Variants in BLTP1 observed in about 807,000 individuals in gnomAD.
BLTP1 encodes fragile site-associated protein.
the BLTP1 span, chr4:122,192,409 T>G: frequency 7.0e-7 from 1 of 1,432,854 alleles, no homozygotes; most frequent in Non-Finnish European, 9.8e-7. Context: ...TTCTAATAAG[T>G]TTTTTAGATG....
chr4:122,208,196 C>A, the BLTP1 span: 2 of 773,302 alleles, frequency 2.6e-6, no homozygotes, highest in Non-Finnish European at 3.1e-6. Flanking sequence ...AGACACTATT[C>A]CATGTGCTTT....
chr4:122,205,655 C>G, the BLTP1 span, among the ~76,000 whole-genome samples: 1 of 149,300 alleles, frequency 6.7e-6, no homozygotes, highest in Admixed American at 6.7e-5. Context: ...CTCTCTCTCT[C>G]TCTCTCTAGT....
chr4:122,267,051 A>ATTATTTTTTTTTTTTTTTT, the BLTP1 span: 1 of 138,564 alleles, frequency 7.2e-6, no homozygotes, highest in African/African-American at 7.0e-5. Context: ...TAAGGAAGTA[A>ATTATTTTTTTTTTTTTTTT]TTTTTTTTTT....
the BLTP1 span, among the ~76,000 whole-genome samples, chr4:122,157,490 G>C: frequency 6.6e-6 from 1 of 152,158 alleles, no homozygotes; most frequent in Admixed American, 6.5e-5. Flanking sequence ...CTCTTAAGGA[G>C]TGCACAACCT....
At chr4:122,273,619 C>T in the BLTP1 span, among the ~76,000 whole-genome samples, 1 of 151,804 alleles carries the variant, frequency 6.6e-6, no homozygotes, top group African/African-American at 2.4e-5. Flanking sequence ...GTTTAACCTG[C>T]CTGAAGGTTA....
chr4:122,325,768 A>G, the BLTP1 span: 26 of 809,450 alleles, frequency 3.2e-5, no homozygotes, highest in Non-Finnish European at 3.9e-5. Flanking sequence ...TAAAATGTTT[A>G]TTTTGTTTTT....
the BLTP1 span, chr4:122,239,408 T>G: frequency 2.2e-6 from 2 of 927,644 alleles, no homozygotes; most frequent in Non-Finnish European, 3.1e-6. Context: ...TTCTTTTACT[T>G]GTAAAGTACA....
At chr4:122,304,104 C>A in the BLTP1 span, among the ~76,000 whole-genome samples, 1 of 152,172 alleles carries the variant, frequency 6.6e-6, no homozygotes, top group Non-Finnish European at 1.5e-5. Flanking sequence ...ACTTCAACAA[C>A]CACTACCATG....
At chr4:122,306,514 C>T in the BLTP1 span, 2 of 970,818 alleles carry the variant, frequency 2.1e-6, no homozygotes, top group Non-Finnish European at 2.4e-6. Flanking sequence ...GAGGAATTCT[C>T]TACCTTTGCC....
the BLTP1 span, chr4:122,257,134 G>A: frequency 9.4e-7 from 1 of 1,061,746 alleles, no homozygotes; most frequent in Non-Finnish European, 1.4e-6. Flanking sequence ...TAACATCTAA[G>A]TTTTAATTTC....
At chr4:122,281,528 C>G in the BLTP1 span, 7 of 1,539,752 alleles carry the variant, frequency 4.5e-6, no homozygotes, top group Non-Finnish European at 6.1e-6. Flanking sequence ...TTTTTTTTTG[C>G]TTTCTAGCCC....
At chr4:122,209,392 C>G in the BLTP1 span, 4 of 1,572,728 alleles carry the variant, frequency 2.5e-6, no homozygotes, top group African/African-American at 5.5e-5. Flanking sequence ...CGCCTGTAAT[C>G]CCAGCACTTT....
At chr4:122,309,214 G>A in the BLTP1 span, 1 of 1,575,432 alleles carries the variant, frequency 6.3e-7, no homozygotes, top group Non-Finnish European at 8.6e-7. Context: ...GGATTTCTAA[G>A]TTTAAAAAAT....
At chr4:122,260,462 A>G in the BLTP1 span, among the ~76,000 whole-genome samples, 1 of 152,218 alleles carries the variant, frequency 6.6e-6, no homozygotes, top group African/African-American at 2.4e-5. Context: ...TAGTTCACAG[A>G]AAAATACATA....
chr4:122,347,580 A>G, the BLTP1 span: 1 of 1,613,812 alleles, frequency 6.2e-7, no homozygotes, highest in South Asian at 1.1e-5. Context: ...TTTCCCCTGA[A>G]TCATCAAGAA....
chr4:122,327,563 G>A, the BLTP1 span, among the ~76,000 whole-genome samples: 4 of 151,236 alleles, frequency 2.6e-5, no homozygotes, highest in Admixed American at 6.6e-5. Flanking sequence ...TTTATTACTC[G>A]GCTATTTGCA....
the BLTP1 span, among the ~76,000 whole-genome samples, chr4:122,280,467 C>T: frequency 2.0e-5 from 3 of 152,066 alleles, no homozygotes; most frequent in Non-Finnish European, 2.9e-5. Context: ...TTTGTTCATA[C>T]ATCTTCACTG....
the BLTP1 span, chr4:122,249,155 T>C: frequency 1.4e-6 from 1 of 705,456 alleles, no homozygotes; most frequent in South Asian, 6.5e-5. Flanking sequence ...ATTTTTTTTT[T>C]ATTTTGTGAG....
chr4:122,256,248 A>C, the BLTP1 span: 1 of 812,244 alleles, frequency 1.2e-6, no homozygotes, highest in Non-Finnish European at 1.5e-6. Flanking sequence ...GATTTGAAAA[A>C]GACACTTAGA....
Sources: gnomAD v4.1 joint callset for allele counts (sites outside exome capture counted in the v4.1 genomes callset) on GRCh38, gnomAD v4.1.1 for gene constraint, MANE v1.5 for transcripts, NCBI Gene and HGNC (gene_info 2026-07-23, HGNC 2026-07-21) for gene names.